PPM1H: variants seen among roughly 807,000 people sequenced by gnomAD.
PPM1H encodes protein phosphatase 1H.
PPM1H carries 27 observed loss-of-function variants against 54.9 expected under a neutral mutation model. The ratio of observed to expected loss-of-function variants is 0.49; its 90% CI spans 0.36 to 0.68. PPM1H has a LOEUF of 0.68. Ranked by LOEUF, PPM1H falls within the 30% of genes least tolerant of loss-of-function variation. The pLI is 0.00. For missense variants in PPM1H, 596 were observed against 667.8 expected (o/e 0.89, Z 1.19); for synonymous variants, 305 against 270.8 (o/e 1.13, Z -1.24).
intron 5 of PPM1H, among the ~76,000 whole-genome samples, chr12:62,728,017 T>C (rs1177791880): frequency 1.3e-5 from 2 of 152,118 alleles, no homozygotes; most frequent in Non-Finnish European, 2.9e-5. Context: ...AAAGGATCTC[T>C]TCTTGTACCT....
intron 9 of PPM1H, among the ~76,000 whole-genome samples, chr12:62,655,072 G>GCTTC (rs1301288064): frequency 5.3e-5 from 8 of 152,184 alleles, no homozygotes; most frequent in African/African-American, 1.9e-4. Context: ...TCTAGGACCA[G>GCTTC]CTTCCTGACA....
rs1161094944 is a variant in PPM1H, at chr12:62,669,969, CTTTTTTTTTTTT to C, written c.1246-2652_1246-2641del. Among the ~76,000 whole-genome samples the C allele has an allele frequency of 2.0e-3, 94 of 46,432 alleles. 2 individuals are homozygous for C. Among genetic ancestry groups the C allele is most frequent in the African/African-American group, 0.01 (88 of 8,786 alleles). The allele number at this position is 46,432 out of a possible 152,430, so 30.5% of individuals were successfully genotyped here. Reference sequence around the variant, plus strand: ...AAAATAGTGTTTAGAGGATTGATTCCTTTTTTTTTTTTTTTTTTTTTTTTTGAGACGGAGTTT... The same window carrying C: ...AAAATAGTGTTTAGAGGATTGATTCCTTTTTTTTTTTTTGAGACGGAGTTT... On this transcript the variant is annotated intron_variant, in intron 8 of 9. Coordinates refer to ENST00000228705, the MANE Select transcript of PPM1H (RefSeq NM_020700.2).
In PPM1H at chr12:62,800,497, C is replaced by T. The variant is rs939679709; in HGVS notation, c.756+1319G>A. Reference sequence around the variant, plus strand: ...GATTACAGGCATGTGCCACCACGCCCGACTAATTTTTTTGTATTTTTGGTA... The same window carrying T: ...GATTACAGGCATGTGCCACCACGCCTGACTAATTTTTTTGTATTTTTGGTA... On this transcript the variant is annotated intron_variant, in intron 3 of 9. Coordinates refer to ENST00000228705, the MANE Select transcript of PPM1H (RefSeq NM_020700.2). Among the ~76,000 whole-genome samples, 7 of 152,190 alleles carry T rather than the reference C, an allele frequency of 4.6e-5. No homozygotes were observed. The South Asian group carries it at 8.3e-4, about 18-fold the overall frequency.
intron 9 of PPM1H, among the ~76,000 whole-genome samples, chr12:62,651,745 T>C (rs1449071310): frequency 6.6e-6 from 1 of 152,242 alleles, no homozygotes; most frequent in Non-Finnish European, 1.5e-5. Context: ...TTTTCTTCCT[T>C]TGTCTCTTAC....
rs79869500 is a variant in PPM1H at position 62,808,095 on chromosome 12, G to A, written c.412-5935C>T. 4.5e-3 allele frequency among the ~76,000 whole-genome samples: 685 copies of A among 152,298 alleles called. 3 individuals carry two copies. Among genetic ancestry groups the A allele is most frequent in the African/African-American group, 0.016 (668 of 41,560 alleles). Reference sequence around the variant, plus strand: ...AGTCCTCCTGCCTTAGCCTCCAAAAGTGCTGGGATTACAGGTATGAGCCAC... The same window carrying A: ...AGTCCTCCTGCCTTAGCCTCCAAAAATGCTGGGATTACAGGTATGAGCCAC... On this transcript the variant is annotated intron_variant, in intron 2 of 9. Coordinates refer to ENST00000228705, the MANE Select transcript of PPM1H (RefSeq NM_020700.2).
At chr12:62,851,908 C>A (rs1263456163) in intron 1 of PPM1H, among the ~76,000 whole-genome samples, 7 of 151,856 alleles carry the variant, frequency 4.6e-5, no homozygotes, top group Non-Finnish European at 1.0e-4. Context: ...ATGTTGAAAT[C>A]CTAACCCCTA....
At chr12:62,875,740 T>C (rs1008793981) in intron 1 of PPM1H, among the ~76,000 whole-genome samples, 1 of 152,130 alleles carries the variant, frequency 6.6e-6, no homozygotes, top group African/African-American at 2.4e-5. Flanking sequence ...ACTGGGCTGG[T>C]TCAAAATGGG....
chr12:62,755,886 T>C, intron 4 of PPM1H: 1 of 783,946 alleles, frequency 1.3e-6, no homozygotes, highest in Non-Finnish European at 2.3e-6. Context: ...GTGGGCAAGG[T>C]CATCCCTGAG....
intron 1 of PPM1H, among the ~76,000 whole-genome samples, chr12:62,881,593 T>C (rs1391365844): frequency 1.3e-4 from 20 of 152,204 alleles, no homozygotes; most frequent in Admixed American, 1.3e-3. Context: ...TTCCTTGCAA[T>C]GCATCCCTTT....
chr12:62,663,290 G>C (rs1012113642), intron 9 of PPM1H, among the ~76,000 whole-genome samples: 9 of 152,068 alleles, frequency 5.9e-5, no homozygotes, highest in Admixed American at 2.6e-4. Context: ...CCTACCATTG[G>C]AGTTTTTATT....
rs75821572 is a variant in PPM1H at position 62,818,505 on chromosome 12, A to G, written c.411+13609T>C. ...AAGGTATTGTCCTCAACAAGCTTAC[A>G]GCAGCTTTCCTAAGAGACAGTCTCA... On this transcript the variant is annotated intron_variant, in intron 2 of 9. Transcript: ENST00000228705. Among the ~76,000 whole-genome samples the G allele has an allele frequency of 2.6e-5, 4 of 152,354 alleles. No homozygotes were observed. In the East Asian group the frequency reaches 7.7e-4, roughly 29 times the overall value.
chr12:62,779,484 T>C (rs2076629489), intron 4 of PPM1H, among the ~76,000 whole-genome samples: 2 of 152,202 alleles, frequency 1.3e-5, no homozygotes, highest in Admixed American at 1.3e-4. Context: ...TATAAACAGT[T>C]CTCCTGATCA....
At chr12:62,653,975 C>T (rs557548313) in intron 9 of PPM1H, among the ~76,000 whole-genome samples, 3 of 152,180 alleles carry the variant, frequency 2.0e-5, no homozygotes, top group Non-Finnish European at 2.9e-5. Flanking sequence ...GGTGCAGTGG[C>T]TTACGCTTGT....
At chr12:62,761,218 A>C (rs1352710250) in intron 4 of PPM1H, among the ~76,000 whole-genome samples, 1 of 152,232 alleles carries the variant, frequency 6.6e-6, no homozygotes, top group Non-Finnish European at 1.5e-5. Flanking sequence ...ACAGTTACGG[A>C]GGAATAAGGG....
At chr12:62,661,491 G>T (rs1039625214) in intron 9 of PPM1H, among the ~76,000 whole-genome samples, 2 of 152,170 alleles carry the variant, frequency 1.3e-5, no homozygotes, top group Non-Finnish European at 2.9e-5. Context: ...ACCTCGACTT[G>T]CCAGCTTCAA....
chr12:62,845,569 A>G (rs902072223), intron 1 of PPM1H, among the ~76,000 whole-genome samples: 1 of 152,200 alleles, frequency 6.6e-6, no homozygotes, highest in African/African-American at 2.4e-5. Flanking sequence ...TCCTATCCCC[A>G]ACTAGACCTT....
chr12:62,840,513 TAC>T (rs1443128695), intron 1 of PPM1H, among the ~76,000 whole-genome samples: 5 of 152,064 alleles, frequency 3.3e-5, no homozygotes, highest in African/African-American at 1.2e-4. Flanking sequence ...GATCTGAGAA[TAC>T]AGAGGAGGCA....
rs79452042 is a variant in PPM1H at position 62,891,498 on chromosome 12, C to T, written c.245+42994G>A. ...TAAGTTGGCCAAGATTTTCTTAACACATCTTCACCTGCCCAGTTTGCCTCT... is the reference window on the plus strand; with the variant it reads ...TAAGTTGGCCAAGATTTTCTTAACATATCTTCACCTGCCCAGTTTGCCTCT... On this transcript the variant is annotated intron_variant, in intron 1 of 9. Transcript: ENST00000228705. 1.4e-4 allele frequency among the ~76,000 whole-genome samples: 21 copies of T among 152,348 alleles called. No homozygotes were observed. The East Asian group carries it at 4.0e-3, about 29-fold the overall frequency.
intron 2 of PPM1H, among the ~76,000 whole-genome samples, chr12:62,817,590 T>C (rs1221108385): frequency 2.6e-5 from 4 of 152,226 alleles, no homozygotes; most frequent in Non-Finnish European, 5.9e-5. Flanking sequence ...GCTGCTCCTA[T>C]TGCATTTTTA....
Sources: gnomAD v4.1 joint callset for allele counts (sites outside exome capture counted in the v4.1 genomes callset) on GRCh38, gnomAD v4.1.1 for gene constraint, MANE v1.5 for transcripts, NCBI Gene and HGNC (gene_info 2026-07-23, HGNC 2026-07-21) for gene names.